GRIN3A: variants seen among roughly 807,000 people sequenced by gnomAD.
GRIN3A encodes glutamate ionotropic receptor NMDA type subunit 3A.
GRIN3A carries 47 observed loss-of-function variants against 92.4 expected under a neutral mutation model. The observed-to-expected ratio is 0.51, with a 90% CI of 0.40 to 0.65. GRIN3A has a LOEUF of 0.65. Ranked by LOEUF, GRIN3A falls within the 30% of genes least tolerant of loss-of-function variation. GRIN3A has a pLI of 0.00. For missense variants in GRIN3A, 1,324 were observed against 1,393.1 expected (o/e 0.95, Z 0.79); for synonymous variants, 527 against 540.6 (o/e 0.97, Z 0.35).
chr9:101,666,352 T>C (rs1287471024), intron 3 of GRIN3A, among the ~76,000 whole-genome samples: 2 of 151,992 alleles, frequency 1.3e-5, no homozygotes, highest in Non-Finnish European at 2.9e-5. Flanking sequence ...ACGTATGCTA[T>C]AGAGCTGGAG....
At chr9:101,713,092 G>A (rs575869736) in intron 1 of GRIN3A, among the ~76,000 whole-genome samples, 3 of 152,116 alleles carry the variant, frequency 2.0e-5, no homozygotes, top group East Asian at 3.9e-4. Flanking sequence ...CCTTTCCTTC[G>A]GCCATTTAGT....
chr9:101,624,521 A>G (rs1438469727), intron 4 of GRIN3A, among the ~76,000 whole-genome samples: 3 of 152,012 alleles, frequency 2.0e-5, no homozygotes, highest in African/African-American at 2.4e-5. Flanking sequence ...GATGATTTCC[A>G]ATTTCATCCA....
intron 2 of GRIN3A, among the ~76,000 whole-genome samples, chr9:101,681,258 T>G (rs929695375): frequency 6.6e-6 from 1 of 152,176 alleles, no homozygotes; most frequent in Non-Finnish European, 1.5e-5. Flanking sequence ...AAAAACAATG[T>G]TTATATCCTA....
Position 101,628,268 on chromosome 9 carries a change from A to G in GRIN3A, c.2486T>C (p.Val829Ala), listed in dbSNP as rs760573450. ...GGTTGACACTCACTTCAGATACTCC[A>G]CTCCATCAGGGGTGGCTGGAACATT... ...RYNVPATPDG[V>A]EYLKNDPEKL... Residue 829 changes from valine to alanine, a missense_variant, in exon 4 of 9, where the codon GTG (valine) becomes GCG (alanine). Physicochemically the swap from Val to Ala is moderately conservative, Grantham distance 64. Coordinates refer to ENST00000361820, the MANE Select transcript of GRIN3A (RefSeq NM_133445.3). 8.7e-6 allele frequency: 14 copies of G among 1,613,546 alleles called. No homozygotes were observed. The highest frequency in any genetic ancestry group is 1.1e-5 in the Non-Finnish European group (13 of 1,179,838).
intron 2 of GRIN3A, among the ~76,000 whole-genome samples, chr9:101,681,290 C>T (rs1391673563): frequency 6.6e-6 from 1 of 152,176 alleles, no homozygotes; most frequent in East Asian, 1.9e-4. Flanking sequence ...AAATTACTTG[C>T]AAAGCTTTTA....
At chr9:101,634,088 C>T (rs1366139781) in intron 3 of GRIN3A, among the ~76,000 whole-genome samples, 1 of 152,046 alleles carries the variant, frequency 6.6e-6, no homozygotes, top group Non-Finnish European at 1.5e-5. Context: ...AATCCCAGCA[C>T]TTTGGGAGGC....
chr9:101,590,373 TTTATTTATTTATTTA>T (rs1485194296), intron 6 of GRIN3A, among the ~76,000 whole-genome samples: 1 of 148,604 alleles, frequency 6.7e-6, no homozygotes, highest in East Asian at 1.9e-4. Context: ...TATTTATTTA[TTTATTTATTTATTTA>T]TTTATTTTTT....
At chr9:101,705,952 A>C (rs1189105432) in intron 1 of GRIN3A, among the ~76,000 whole-genome samples, 1 of 152,202 alleles carries the variant, frequency 6.6e-6, no homozygotes, top group Non-Finnish European at 1.5e-5. Flanking sequence ...CTCTACAGGC[A>C]ATATTTTCAA....
chr9:101,634,872 A>G (rs1828764407), intron 3 of GRIN3A, among the ~76,000 whole-genome samples: 1 of 152,170 alleles, frequency 6.6e-6, no homozygotes, highest in Non-Finnish European at 1.5e-5. Context: ...CAAAAGACAC[A>G]CTCGGACTAT....
At chr9:101,659,083 T>C (rs2118929259) in intron 3 of GRIN3A, among the ~76,000 whole-genome samples, 1 of 152,058 alleles carries the variant, frequency 6.6e-6, no homozygotes, top group East Asian at 1.9e-4. Context: ...CTTGGGGGAC[T>C]ACCTGCAACT....
intron 1 of GRIN3A, among the ~76,000 whole-genome samples, chr9:101,693,027 G>A (rs1356617994): frequency 2.0e-5 from 3 of 151,990 alleles, no homozygotes; most frequent in African/African-American, 4.8e-5. Context: ...TGAGGTGACT[G>A]CAATGATCAT....
At chr9:101,624,274 G>A (rs1564129322) in intron 4 of GRIN3A, among the ~76,000 whole-genome samples, 1 of 151,568 alleles carries the variant, frequency 6.6e-6, no homozygotes, top group Non-Finnish European at 1.5e-5. Context: ...TGCACAATGT[G>A]CAGGTTAGTT....
chr9:101,634,295 T>A (rs960308630), intron 3 of GRIN3A, among the ~76,000 whole-genome samples: 1 of 131,596 alleles, frequency 7.6e-6, no homozygotes, highest in Non-Finnish European at 1.5e-5. Flanking sequence ...ATCGCGCCAC[T>A]GCACTCCAGC....
rs780330279 is a variant in GRIN3A at position 101,686,864 on chromosome 9, C to T, written c.1036G>A (p.Gly346Arg). 1 of 1,614,216 alleles carries T rather than the reference C, an allele frequency of 6.2e-7. No homozygotes were observed. Among genetic ancestry groups the T allele is most frequent in the Non-Finnish European group, 8.5e-7 (1 of 1,180,046 alleles). ...CAACGAAGTTCAGGGGGCATGACCC[C>T]AAACTGGGTTGTAATTTCGAAAATC... ...RRIFEITTQF[G>R]VMPPELRWVL... The change falls in exon 2 of 9, where the codon GGG becomes AGG. Residue 346 changes from glycine (G) to arginine (R), a missense_variant. Transcript: ENST00000361820.
intron 5 of GRIN3A, among the ~76,000 whole-genome samples, chr9:101,619,165 G>C (rs1336670320): frequency 1.3e-5 from 2 of 152,190 alleles, no homozygotes; most frequent in Non-Finnish European, 2.9e-5. Context: ...TTGGAAAAGA[G>C]ATGTTTTGAA....
intron 6 of GRIN3A, among the ~76,000 whole-genome samples, chr9:101,607,516 C>T (rs576933258): frequency 3.8e-4 from 58 of 152,284 alleles, no homozygotes; most frequent in Middle Eastern, 6.8e-3. Flanking sequence ...AGTATATACC[C>T]GGTTCTTCCA....
At chr9:101,614,400 A>G (rs1422029845) in intron 5 of GRIN3A, among the ~76,000 whole-genome samples, 2 of 152,144 alleles carry the variant, frequency 1.3e-5, no homozygotes, top group Non-Finnish European at 2.9e-5. Context: ...ACTGTGGACT[A>G]TTTGCACAGA....
At position 101,571,087 on chromosome 9, in the gene GRIN3A, A is replaced by C. The variant is rs1295076995; in HGVS notation, c.*2087T>G. The C allele has an allele frequency of 6.6e-6, 1 of 152,226 alleles. No homozygotes were observed. Among genetic ancestry groups the C allele is most frequent in the Admixed American group, 6.5e-5 (1 of 15,278 alleles). 9.4% of individuals were successfully genotyped at this position (152,226 alleles called of 1,614,324 possible). ...ATGGCTAAGGGGCAAAATCTTCCAAAGGCAGTTGCAACCTACTTCTGGGCC... is the reference window on the plus strand; with the variant it reads ...ATGGCTAAGGGGCAAAATCTTCCAACGGCAGTTGCAACCTACTTCTGGGCC... On this transcript the variant is annotated 3_prime_UTR_variant, in exon 9 of 9. Coordinates refer to ENST00000361820, the MANE Select transcript of GRIN3A (RefSeq NM_133445.3).
chr9:101,687,319 G>C, intron 1 of GRIN3A, 119 bp from the exon 2 acceptor site: 1 of 975,014 alleles, frequency 1.0e-6, no homozygotes, highest in South Asian at 1.4e-5. Flanking sequence ...ACATAGTTCT[G>C]GGATAAAATT....
Sources: gnomAD v4.1 joint callset for allele counts (sites outside exome capture counted in the v4.1 genomes callset) on GRCh38, gnomAD v4.1.1 for gene constraint, MANE v1.5 for transcripts, NCBI Gene and HGNC (gene_info 2026-07-23, HGNC 2026-07-21) for gene names.